The following ANKIB1 variants were observed in gnomAD, a reference collection of about 807,000 sequenced individuals.
ANKIB1 encodes the protein ankyrin repeat and IBR domain-containing protein 1.
In ANKIB1, 43 loss-of-function variants were observed where a neutral mutation model predicts 122.1. That is an observed-to-expected ratio of 0.35 (90% CI 0.28 to 0.45). ANKIB1 has a LOEUF of 0.45. ANKIB1 is among the 20% of genes least tolerant of loss of function. ANKIB1 has a pLI of 1.00. For missense variants in ANKIB1, 992 were observed against 1,329.5 expected (o/e 0.75, Z 3.95); for synonymous variants, 390 against 442.0 (o/e 0.88, Z 1.48).
At chr7:92,305,442 G>T (rs188371376) in intron 2 of ANKIB1, among the ~76,000 whole-genome samples, 37 of 152,298 alleles carry the variant, frequency 2.4e-4, no homozygotes, top group African/African-American at 8.7e-4. Context: ...GTGACACTGT[G>T]TTGGGGATTC....
In ANKIB1 at chr7:92,307,450, A is replaced by G. The variant is rs1272206224; in HGVS notation, c.280A>G (p.Ile94Val). ...HLLCMGPQIM[I>V]SEGALHPRLA... Reference sequence around the variant, plus strand: ...GTTGTGTATGGGACCTCAAATTATGATATCTGAAGGAGCCCTTCATCCTCG... The same window carrying G: ...GTTGTGTATGGGACCTCAAATTATGGTATCTGAAGGAGCCCTTCATCCTCG... The change falls in exon 3 of 20, where the codon ATA becomes GTA. Residue 94 changes from isoleucine to valine, a missense_variant. Around this residue, in one of 4 missense-constraint regions of ANKIB1, gnomAD observed 33 missense variants for 27.5 expected, o/e 1.20. Transcript: ENST00000265742. The G allele has an allele frequency of 4.3e-6, 7 of 1,613,976 alleles. No individual in the cohort carries two copies. Among genetic ancestry groups the G allele is most frequent in the East Asian group, 2.2e-5 (1 of 44,876 alleles).
intron 1 of ANKIB1, among the ~76,000 whole-genome samples, chr7:92,294,096 T>C (rs1802302776): frequency 1.3e-5 from 2 of 152,172 alleles, no homozygotes; most frequent in Admixed American, 1.3e-4. Flanking sequence ...GAACTTCATG[T>C]CCAGTGTTTG....
chr7:92,263,211 A>G (rs1801600570), intron 1 of ANKIB1, among the ~76,000 whole-genome samples: 2 of 152,190 alleles, frequency 1.3e-5, no homozygotes, highest in Admixed American at 1.3e-4. Flanking sequence ...ATTATTAAAT[A>G]TGTTCATTTA....
At chr7:92,292,169 G>A (rs1011505665) in intron 1 of ANKIB1, among the ~76,000 whole-genome samples, 4 of 152,144 alleles carry the variant, frequency 2.6e-5, no homozygotes, top group African/African-American at 9.7e-5. Flanking sequence ...AAATTTCTAG[G>A]CAAGGTTTGT....
At chr7:92,393,724 ATTAC>A (rs1029995323) in intron 17 of ANKIB1, among the ~76,000 whole-genome samples, 3 of 152,094 alleles carry the variant, frequency 2.0e-5, no homozygotes, top group Non-Finnish European at 4.4e-5. Context: ...TTTTTTAGAA[ATTAC>A]TTACTTTTAG....
chr7:92,246,978 C>T (rs931491053), intron 1 of ANKIB1, among the ~76,000 whole-genome samples: 3 of 152,178 alleles, frequency 2.0e-5, no homozygotes, highest in Non-Finnish European at 2.9e-5. Flanking sequence ...TTTATTTTTG[C>T]AGCTTCTGCC....
intron 3 of ANKIB1, among the ~76,000 whole-genome samples, chr7:92,316,930 G>C (rs564392435): frequency 6.6e-6 from 1 of 152,166 alleles, no homozygotes; most frequent in Non-Finnish European, 1.5e-5. Flanking sequence ...GGTAATATCT[G>C]TTGCAAAGTA....
intron 5 of ANKIB1, among the ~76,000 whole-genome samples, chr7:92,329,339 A>T (rs1008937598): frequency 6.6e-6 from 1 of 152,128 alleles, no homozygotes; most frequent in Non-Finnish European, 1.5e-5. Flanking sequence ...GTAGCTCTTA[A>T]ATTTTAATAT....
At chr7:92,249,969 G>A (rs777115113) in intron 1 of ANKIB1, among the ~76,000 whole-genome samples, 2 of 151,762 alleles carry the variant, frequency 1.3e-5, no homozygotes, top group Admixed American at 6.6e-5. Flanking sequence ...TAATATTCTC[G>A]AAAAGATTTG....
intron 9 of ANKIB1, among the ~76,000 whole-genome samples, chr7:92,357,818 CCT>C (rs1169413015): frequency 6.6e-6 from 1 of 151,794 alleles, no homozygotes; most frequent in African/African-American, 2.4e-5. Flanking sequence ...CTCAAAATAA[CCT>C]CTCTTCCCTA....
intron 1 of ANKIB1, among the ~76,000 whole-genome samples, chr7:92,250,752 A>G (rs1801313738): frequency 6.6e-6 from 1 of 152,220 alleles, no homozygotes; most frequent in Non-Finnish European, 1.5e-5. Context: ...TTGGTAGGAT[A>G]TATACTTTAT....
At chr7:92,307,180 A>G (rs1802578490) in intron 2 of ANKIB1, among the ~76,000 whole-genome samples, 179 bp from the exon 3 acceptor site, 1 of 152,142 alleles carries the variant, frequency 6.6e-6, no homozygotes, top group East Asian at 1.9e-4. Flanking sequence ...TTATTCTAGA[A>G]TAGAGTTTTT....
At chr7:92,312,190 T>G (rs373057662) in intron 3 of ANKIB1, among the ~76,000 whole-genome samples, 47 of 152,312 alleles carry the variant, frequency 3.1e-4, no homozygotes, top group African/African-American at 1.1e-3. Context: ...GTGCTTTATG[T>G]TGAATCCTCA....
At chr7:92,371,630 G>A in intron 11 of ANKIB1, 23 bp downstream of exon 11, 1 of 1,580,444 alleles carries the variant, frequency 6.3e-7, no homozygotes, top group Non-Finnish European at 8.6e-7. Flanking sequence ...AGAGGATTTT[G>A]CATGCTTTGC....
At chr7:92,364,892 AC>A (rs1241939054) in intron 10 of ANKIB1, among the ~76,000 whole-genome samples, 2 of 152,176 alleles carry the variant, frequency 1.3e-5, no homozygotes, top group Non-Finnish European at 2.9e-5. Context: ...CATTAGTGAA[AC>A]AGGAAACTCA....
rs558812638 is a variant in ANKIB1, at chr7:92,254,751, A to G, written c.-91+8232A>G. Among the ~76,000 whole-genome samples, 6 of 152,288 alleles carry G rather than the reference A, an allele frequency of 3.9e-5. No individual in the cohort carries two copies. The South Asian group carries it at 1.2e-3, about 32-fold the overall frequency. ...ATATAAACCTTTAACTTAATTTACA[A>G]ATAAGTTTTGTAAGTTTGCTTTTGT... On this transcript the variant is annotated intron_variant, in intron 1 of 19. Transcript: ENST00000265742.
intron 2 of ANKIB1, among the ~76,000 whole-genome samples, chr7:92,302,477 A>G (rs1802477846): frequency 6.6e-6 from 1 of 152,206 alleles, no homozygotes; most frequent in African/African-American, 2.4e-5. Flanking sequence ...TGGTTATATT[A>G]TATCACATCA....
Position 92,261,489 on chromosome 7 carries a change from T to G in ANKIB1, c.-91+14970T>G, listed in dbSNP as rs1239752613. Among the ~76,000 whole-genome samples, 4 of 152,248 alleles carry G rather than the reference T, an allele frequency of 2.6e-5. No homozygotes were observed. The East Asian group carries it at 7.7e-4, about 29-fold the overall frequency. Reference sequence around the variant, plus strand: ...TCTCTAAGGTATATGAGTTATTAATTGCTATTGACTGCAATGATTCCTAAC... The same window carrying G: ...TCTCTAAGGTATATGAGTTATTAATGGCTATTGACTGCAATGATTCCTAAC... On this transcript the variant is annotated intron_variant, in intron 1 of 19. Transcript: ENST00000265742.
At chr7:92,333,536 G>A (rs769042788) in intron 5 of ANKIB1, among the ~76,000 whole-genome samples, 14 of 151,926 alleles carry the variant, frequency 9.2e-5, no homozygotes, top group Admixed American at 3.3e-4. Flanking sequence ...CCCTGACTCC[G>A]GTTTTCTACC....
Sources: gnomAD v4.1 joint callset for allele counts (sites outside exome capture counted in the v4.1 genomes callset) on GRCh38, gnomAD v4.1.1 for gene constraint, gnomAD v4.1.1 regional missense constraint, MANE v1.5 for transcripts, NCBI Gene and HGNC (gene_info 2026-07-23, HGNC 2026-07-21) for gene names.